Variants in TAF1 observed in about 807,000 individuals in gnomAD.
TAF1 encodes TATA-box binding protein associated factor 1.
TAF1 carries 2 observed loss-of-function variants against 138.5 expected under a neutral mutation model. That is an observed-to-expected ratio of 0.01 (90% CI 0.01 to 0.05). The LOEUF is 0.05. TAF1 is among the 10% of genes least tolerant of loss of function. TAF1 has a pLI of 1.00. For missense variants in TAF1, 709 were observed against 1,478.0 expected (o/e 0.48, Z 8.53); for synonymous variants, 437 against 503.2 (o/e 0.87, Z 1.76).
At chrX:71,367,715 G>A in intron 2 of TAF1, 102 bp downstream of exon 2, 1 of 970,434 alleles carries the variant, frequency 1.0e-6, no homozygotes, top group Non-Finnish European at 1.4e-6. Context: ...CTGTCTCCGA[G>A]GTTGGAGTGC....
chrX:71,407,516 A>G, intron 26 of TAF1, 58 bp from the exon 27 acceptor site: 1 of 1,085,205 alleles, frequency 9.2e-7, no homozygotes, highest in South Asian at 1.9e-5. Context: ...CTGTGCCTGG[A>G]CAGAATGTGG....
chrX:71,450,689 C>T (rs1473104207), intron 32 of TAF1, among the ~76,000 whole-genome samples: 1 of 112,269 alleles, frequency 8.9e-6, no homozygotes, highest in African/African-American at 3.2e-5. Context: ...TTTCACTGTA[C>T]TAGACTATAA....
intron 13 of TAF1, among the ~76,000 whole-genome samples, chrX:71,499,694 T>C (rs1054532089): frequency 9.0e-6 from 1 of 111,599 alleles, no homozygotes; most frequent in African/African-American, 3.3e-5. Flanking sequence ...GGATCCATAC[T>C]GGGGACGGCT....
At chrX:71,475,413 G>A (rs369012076) in intron 13 of TAF1, among the ~76,000 whole-genome samples, 3 of 108,762 alleles carry the variant, frequency 2.8e-5, no homozygotes, top group South Asian at 4.0e-4. Flanking sequence ...GTGAAACTCC[G>A]TCTCTACTAA....
chrX:71,441,260 G>T (rs1363251914), intron 32 of TAF1, among the ~76,000 whole-genome samples: 1 of 108,386 alleles, frequency 9.2e-6, no homozygotes, highest in Non-Finnish European at 1.9e-5. Flanking sequence ...TTTATTGTTT[G>T]GAATTCAGTG....
intron 13 of TAF1, among the ~76,000 whole-genome samples, chrX:71,479,796 A>G (rs139988150): frequency 3.6e-4 from 40 of 111,397 alleles, no homozygotes; most frequent in Non-Finnish European, 6.4e-4. Flanking sequence ...ATACTTTTGT[A>G]TTTGTGATAT....
chrX:71,490,716 C>T (rs2039258631), intron 13 of TAF1, among the ~76,000 whole-genome samples: 1 of 107,443 alleles, frequency 9.3e-6, no homozygotes, highest in South Asian at 4.0e-4. Context: ...GCATCTACAA[C>T]GAACTTCATT....
intron 18 of TAF1, among the ~76,000 whole-genome samples, chrX:71,390,023 C>T (rs947186688): frequency 3.6e-5 from 4 of 110,403 alleles, no homozygotes; most frequent in African/African-American, 1.3e-4. Flanking sequence ...TACAGTTGCA[C>T]GCCACCATGC....
rs769364946 is a variant in TAF1 at position 71,437,649 on chromosome X, C to CA, written c.4753+13425dup. ...GGGCGACAGAATGAGACTCTGTCTC[C>CA]AAAAAAAAAAAAAAGAAAAAGAGAA... On this transcript the variant is annotated intron_variant, in intron 32 of 37. Transcript: ENST00000423759. 4.5e-3 allele frequency among the ~76,000 whole-genome samples: 273 copies of CA among 61,144 alleles called. 3 individuals carry two copies. The highest frequency in any genetic ancestry group is 0.029 in the Admixed American group (147 of 5,057). The allele number at this position is 61,144 out of a possible 115,157, so 53.1% of individuals were successfully genotyped here.
Position 71,464,322 on chromosome X carries a change from A to T in TAF1, c.*276A>T. ...ATTTTTCCGTGTCCTCCTTTATTTA[A>T]CTCCATTTATTGCTTTTGGTATAAT... On this transcript the variant is annotated 3_prime_UTR_variant, in exon 38 of 38. Coordinates refer to ENST00000423759, the MANE Select transcript of TAF1 (RefSeq NM_004606.5). 1 of 381,604 alleles carries T rather than the reference A, an allele frequency of 2.6e-6. No individual in the cohort carries two copies. Among genetic ancestry groups the T allele is most frequent in the Non-Finnish European group, 4.5e-6 (1 of 223,235 alleles). 31.4% of individuals were successfully genotyped at this position (381,604 alleles called of 1,213,427 possible). A position where few individuals can be genotyped will look rare whatever the true frequency, so the allele number is the denominator to read the frequency against.
At chrX:71,381,528 A>T (rs1371152752) in intron 8 of TAF1, among the ~76,000 whole-genome samples, 1 of 112,123 alleles carries the variant, frequency 8.9e-6, no homozygotes, top group Non-Finnish European at 1.9e-5. Context: ...GCCTCCCAAA[A>T]TGCTGTGATT....
chrX:71,479,946 C>T (rs2039043264), intron 13 of TAF1, among the ~76,000 whole-genome samples: 1 of 111,554 alleles, frequency 9.0e-6, no homozygotes, highest in South Asian at 3.8e-4. Context: ...CCTATGAGGC[C>T]GGCTGTGGTG....
chrX:71,420,329 C>T, intron 28 of TAF1: 1 of 1,186,255 alleles, frequency 8.4e-7, no homozygotes, highest in East Asian at 3.0e-5. Flanking sequence ...TCCTCACTGA[C>T]TCTTTGTCTG....
chrX:71,376,666 CAAA>C (rs112839503), intron 4 of TAF1, among the ~76,000 whole-genome samples: 2 of 77,274 alleles, frequency 2.6e-5, no homozygotes, highest in Non-Finnish European at 5.3e-5. Context: ...GACTCTGTCT[CAAA>C]AAAAAAAAAA....
chrX:71,369,111 A>G (rs751530409), intron 3 of TAF1: 2 of 109,952 alleles, frequency 1.8e-5, no homozygotes, highest in South Asian at 7.8e-4. Flanking sequence ...CGGCTTCCCA[A>G]AGTGCTGGGA....
intron 13 of TAF1, among the ~76,000 whole-genome samples, chrX:71,479,289 T>C (rs779599934): frequency 8.9e-6 from 1 of 112,232 alleles, no homozygotes; most frequent in East Asian, 2.8e-4. Context: ...GTATAATTAC[T>C]GGCCAGACAT....
chrX:71,397,493 T>C (rs2148409726), intron 23 of TAF1, 27 bp downstream of exon 23: 2 of 1,209,129 alleles, frequency 1.7e-6, no homozygotes, highest in Non-Finnish European at 2.2e-6. Flanking sequence ...ACTTCCTTTT[T>C]TTTCTTTGAG....
At chrX:71,379,105 ATTTTT>A (rs916740866) in intron 8 of TAF1, 74 bp downstream of exon 8, 562 of 483,414 alleles carry the variant, frequency 1.2e-3, no homozygotes, top group East Asian at 1.7e-3. Flanking sequence ...CTCAGCTGTG[ATTTTT>A]TTTTTTTTTT....
chrX:71,387,525 A>C (rs968207869), intron 15 of TAF1, 64 bp downstream of exon 15: 1 of 1,140,574 alleles, frequency 8.8e-7, no homozygotes, highest in African/African-American at 1.8e-5. Flanking sequence ...GGGGCCGGGC[A>C]TGGCGGCTCA....
Sources: gnomAD v4.1 joint callset for allele counts (sites outside exome capture counted in the v4.1 genomes callset) on GRCh38, gnomAD v4.1.1 for gene constraint, MANE v1.5 for transcripts, NCBI Gene and HGNC (gene_info 2026-07-23, HGNC 2026-07-21) for gene names.